Variants in RNF213 observed in about 807,000 individuals in gnomAD.
RNF213 encodes E3 ubiquitin-protein ligase RNF213.
A neutral mutation model predicts 514.4 loss-of-function variants in RNF213; 341 were observed. That is an observed-to-expected ratio of 0.66 (90% CI 0.61 to 0.73). The LOEUF (loss-of-function observed/expected upper bound fraction) is 0.73, where lower values mean the gene tolerates loss of function less well. RNF213 is among the 30% of genes least tolerant of loss of function. The pLI is 0.00. For synonymous variants in RNF213, 2,655 were observed against 2,658.2 expected (o/e 1.00, Z 0.04); for missense variants, 5,767 against 6,615.6 (o/e 0.87, Z 4.45).
intron 5 of RNF213, among the ~76,000 whole-genome samples, chr17:80,289,442 T>C (rs2143257139): frequency 6.6e-6 from 1 of 152,050 alleles, no homozygotes; most frequent in East Asian, 1.9e-4. Flanking sequence ...ATACAAAAAT[T>C]AGCCAGCCGT....
At chr17:80,369,987 T>C in intron 46 of RNF213, 120 bp downstream of exon 46, 4 of 763,774 alleles carry the variant, frequency 5.2e-6, no homozygotes, top group African/African-American at 1.7e-5. Context: ...GGGGAGCTTT[T>C]TCGGTGAGAC....
At chr17:80,367,249 A>T (rs2079311789) in intron 42 of RNF213, among the ~76,000 whole-genome samples, 1 of 152,242 alleles carries the variant, frequency 6.6e-6, no homozygotes, top group Admixed American at 6.5e-5. Flanking sequence ...AGACATTTAG[A>T]AATATAGTTA....
chr17:80,347,874 T>C lies in RNF213; in HGVS notation c.9539T>C (p.Leu3180Pro). The change falls in exon 29 of 68, where the codon CTG becomes CCG. Residue 3180 changes from leucine (L) to proline (P), a missense_variant. Around this residue, in one of 13 missense-constraint regions of RNF213, gnomAD observed 919 missense variants for 1,121.0 expected, o/e 0.82. Coordinates refer to ENST00000582970, the MANE Select transcript of RNF213 (RefSeq NM_001256071.3). The surrounding 1 kb of genome is among the most constrained non-coding windows in gnomAD (Gnocchi z 7.2). ...CACTATCTGGATATCAACACGGTGC[T>C]GGAGAAATGGCAGAAGAGCATCGTG... ...EKHYLDINTV[L>P]EKWQKSIVEE... 8 of 1,614,228 alleles carry C rather than the reference T, an allele frequency of 5.0e-6. No homozygotes were observed. The highest frequency in any genetic ancestry group is 6.8e-6 in the Non-Finnish European group (8 of 1,180,040).
chr17:80,339,654 G>T lies in RNF213; in HGVS notation c.5287G>T (p.Glu1763Ter). The change falls in exon 26 of 68, where the codon GAG becomes TAG. Residue 1763 changes from glutamate (E) to a stop codon, truncating the protein, a stop_gained. Coordinates refer to ENST00000582970, the MANE Select transcript of RNF213 (RefSeq NM_001256071.3). LOFTEE classifies it high-confidence loss of function. ...ARYRMRRVME[E>*]LPLMLLSEFS... Reference sequence around the variant, plus strand: ...GTACCGCATGAGGAGAGTCATGGAAGAGCTCCCGCTGATGCTCTTATCAGA... The same window carrying T: ...GTACCGCATGAGGAGAGTCATGGAATAGCTCCCGCTGATGCTCTTATCAGA... 6.5e-7 allele frequency: 1 copy of T among 1,537,180 alleles called. No homozygotes were observed. Among genetic ancestry groups the T allele is most frequent in the Non-Finnish European group, 8.7e-7 (1 of 1,146,876 alleles).
chr17:80,379,010 C>CA lies in RNF213; in HGVS notation c.13546-603dup, dbSNP rs572618890. Among the ~76,000 whole-genome samples the CA allele has an allele frequency of 1.1e-3, 173 of 152,102 alleles. 2 individuals are homozygous for CA. The highest frequency in any genetic ancestry group is 3.9e-3 in the African/African-American group (162 of 41,498). On this transcript the variant is annotated intron_variant, in intron 54 of 67. Transcript: ENST00000582970. The stretch of plus-strand genomic sequence containing the variant: ...GCAACATGTTGAAACCCCGTCTCTA[C>CA]AAAAAAACACAAAGCATCAGCAGGG...
chr17:80,272,687 A>G (rs2043865239), intron 2 of RNF213, among the ~76,000 whole-genome samples: 5 of 152,200 alleles, frequency 3.3e-5, no homozygotes, highest in African/African-American at 4.8e-5. Flanking sequence ...CCACACCACA[A>G]TGAAGGCTAG....
intron 2 of RNF213, among the ~76,000 whole-genome samples, chr17:80,268,042 A>G (rs1235711185): frequency 7.9e-5 from 12 of 151,500 alleles, no homozygotes; most frequent in Non-Finnish European, 2.9e-5. Context: ...CTGGTCTCCA[A>G]CTCCTTGACC....
intron 42 of RNF213, chr17:80,364,947 A>T (rs2079202056): frequency 3.2e-6 from 1 of 308,424 alleles, no homozygotes; most frequent in Non-Finnish European, 6.4e-6. Flanking sequence ...GATGTCAGAG[A>T]ATGCCACCGG....
At chr17:80,261,099 C>A (rs959410471) in intron 1 of RNF213, among the ~76,000 whole-genome samples, 197 bp downstream of exon 1, 1 of 152,024 alleles carries the variant, frequency 6.6e-6, no homozygotes, top group Non-Finnish European at 1.5e-5. Context: ...GCCCACTGAC[C>A]CTGTTCCCCG....
In RNF213 at chr17:80,388,509, C is replaced by T. The variant is rs553724968; in HGVS notation, c.14923-103C>T. The T allele has an allele frequency of 1.5e-5, 12 of 805,726 alleles. 1 individual carries two copies. Among genetic ancestry groups the T allele is most frequent in the Admixed American group, 6.8e-5 (4 of 58,796 alleles). The allele number at this position is 805,726 out of a possible 1,614,324, so 49.9% of individuals were successfully genotyped here. On this transcript the variant is annotated intron_variant, in intron 63 of 67. Coordinates refer to ENST00000582970, the MANE Select transcript of RNF213 (RefSeq NM_001256071.3). ...TAGCCAAGGGATACACAGGGCAGCG[C>T]GGCACTACGCTGCAGTTTTCCGGCT...
At chr17:80,373,204 C>T (rs1396010804) in intron 49 of RNF213, 39 bp downstream of exon 49, 3 of 1,584,476 alleles carry the variant, frequency 1.9e-6, no homozygotes, top group African/African-American at 2.7e-5. Context: ...ACATGCACCC[C>T]CACAGCCCCA....
intron 35 of RNF213, 81 bp from the exon 36 acceptor site, chr17:80,354,360 T>C: frequency 6.2e-7 from 1 of 1,605,688 alleles, no homozygotes; most frequent in South Asian, 1.1e-5. Context: ...CTTCCCTTCC[T>C]GGGGGAGGTG....
Position 80,308,998 on chromosome 17 carries a change from C to T in RNF213, c.2502-20C>T, listed in dbSNP as rs372461542. On this transcript the variant is annotated intron_variant, in intron 13 of 67. Coordinates refer to ENST00000582970, the MANE Select transcript of RNF213 (RefSeq NM_001256071.3). Reference sequence around the variant, plus strand: ...CTCCTAAATCCTTGCCGGGATTTCTCTTAACTCTTTGCGGGGCAGGATTCC... The same window carrying T: ...CTCCTAAATCCTTGCCGGGATTTCTTTTAACTCTTTGCGGGGCAGGATTCC... 6.2e-7 allele frequency: 1 copy of T among 1,613,542 alleles called. No individual in the cohort carries two copies. The highest frequency in any genetic ancestry group is 1.1e-5 in the South Asian group (1 of 91,042).
rs532843341 is a variant in RNF213, at chr17:80,304,188, T to C, written c.2211-2064T>C. Among the ~76,000 whole-genome samples the C allele has an allele frequency of 2.0e-5, 3 of 152,232 alleles. No homozygotes were observed. In the East Asian group the frequency reaches 5.8e-4, roughly 29 times the overall value. On this transcript the variant is annotated intron_variant, in intron 11 of 67. Transcript: ENST00000582970. ...AGTATGCAGTGAACCTTTATTGATA[T>C]GTTTTTCATAACTTCTGTTACTTCT...
chr17:80,381,471 A>G (rs1238868168), intron 56 of RNF213, 76 bp from the exon 57 acceptor site: 1 of 1,485,872 alleles, frequency 6.7e-7, no homozygotes, highest in Non-Finnish European at 9.4e-7. Context: ...CTCCACTCCC[A>G]ATGGCCTCTA....
intron 59 of RNF213, chr17:80,384,741 G>A (rs149835146): frequency 2.1e-4 from 90 of 433,662 alleles, no homozygotes; most frequent in African/African-American, 1.8e-3. Flanking sequence ...TACCCAGCCA[G>A]TTACATGGGC....
intron 47 of RNF213, 49 bp downstream of exon 47, chr17:80,372,034 CA>C (rs1184702621): frequency 1.0e-6 from 1 of 971,918 alleles, no homozygotes; most frequent in East Asian, 2.4e-5. Context: ...CTATCTGAAC[CA>C]CATGGTTTAA....
intron 41 of RNF213, 39 bp downstream of exon 41, chr17:80,363,829 G>C: frequency 1.9e-6 from 3 of 1,593,778 alleles, no homozygotes; most frequent in Non-Finnish European, 2.6e-6. Flanking sequence ...TTCATCTGGC[G>C]CGCGCTCACC....
chr17:80,337,013 C>T (rs183597986), intron 23 of RNF213: 17 of 164,784 alleles, frequency 1.0e-4, no homozygotes, highest in East Asian at 1.8e-4. Context: ...AGCCTCCGGA[C>T]GGCTGCTCTG....
Sources: allele counts gnomAD v4.1 joint callset (sites outside exome capture counted in the v4.1 genomes callset), GRCh38; gene constraint gnomAD v4.1.1; regional missense constraint gnomAD v4.1.1; non-coding constraint Gnocchi (gnomAD v3.1); transcripts MANE v1.5; gene names NCBI Gene and HGNC (gene_info 2026-07-23, HGNC 2026-07-21).